The following PLD2 variants were observed in gnomAD, a reference collection of about 807,000 sequenced individuals.
PLD2 encodes the protein phospholipase D2.
Under a neutral mutation model 119.8 loss-of-function variants are expected in PLD2, and 101 were observed. The observed-to-expected ratio is 0.84, with a 90% CI of 0.72 to 0.99. The LOEUF (loss-of-function observed/expected upper bound fraction) is 0.99, where lower values mean the gene tolerates loss of function less well. PLD2 is among the 50% of genes least tolerant of loss of function. PLD2 has a pLI of 0.00. For missense variants in PLD2, 1,164 were observed against 1,226.8 expected, an observed-to-expected ratio of 0.95 and a Z score of 0.76; for synonymous variants, 494 against 482.8, an observed-to-expected ratio of 1.02 and a Z score of -0.30.
Position 4,817,143 on chromosome 17 carries a change from C to T in PLD2, c.1702-3C>T. On this transcript the variant is annotated splice_region_variant and splice_polypyrimidine_tract_variant and intron_variant, in intron 16 of 24. Coordinates refer to ENST00000263088, the MANE Select transcript of PLD2 (RefSeq NM_002663.5). Reference sequence around the variant, plus strand: ...TGCTGACTCTGCCATCCCTCCACGTCAGACCACCAAGGCCAAGTACAAGAC... The same window carrying T: ...TGCTGACTCTGCCATCCCTCCACGTTAGACCACCAAGGCCAAGTACAAGAC... The T allele has an allele frequency of 6.2e-7, 1 of 1,611,046 alleles. No homozygotes were observed. Among genetic ancestry groups the T allele is most frequent in the Non-Finnish European group, 8.5e-7 (1 of 1,177,130 alleles).
Position 4,818,116 on chromosome 17 carries a change from G to C in PLD2, c.1920+10G>C, listed in dbSNP as rs764272033. ...CTTCCTCTACATTGAGGTCTGACTG[G>C]GAGGAGGTGGGGGAGAGCATGGAAG... On this transcript the variant is annotated intron_variant, in intron 18 of 24. Transcript: ENST00000263088. The C allele has an allele frequency of 1.4e-5, 22 of 1,593,488 alleles. No homozygotes were observed. Among genetic ancestry groups the C allele is most frequent in the Admixed American group, 6.7e-5 (4 of 59,966 alleles).
chr17:4,821,643 C>T (rs977703785), intron 23 of PLD2, 150 bp from the exon 24 acceptor site: 2 of 549,994 alleles, frequency 3.6e-6, no homozygotes, highest in African/African-American at 1.9e-5. Context: ...AATCCACCTG[C>T]CTCATCCTCC....
In PLD2 at chr17:4,810,893, C is replaced by T. The variant is rs761276676; in HGVS notation, c.952C>T (p.Leu318=). ...ELAQGPGRDF[L]QLHRHDSYAP... ...GGCACAGGGCCCAGGCAGAGACTTCCTACAGCTGCACCGGCATGACAGCTA... is the reference window on the plus strand; with the variant it reads ...GGCACAGGGCCCAGGCAGAGACTTCTTACAGCTGCACCGGCATGACAGCTA... Residue 318 remains leucine (L), a synonymous_variant, in exon 10 of 25, where the codon CTA becomes TTA. Coordinates refer to ENST00000263088, the MANE Select transcript of PLD2 (RefSeq NM_002663.5). 3 of 1,613,716 alleles carry T rather than the reference C, an allele frequency of 1.9e-6. No homozygotes were observed. The highest frequency in any genetic ancestry group is 3.3e-5 in the Admixed American group (2 of 59,984).
rs1454620775 is a variant in PLD2, at chr17:4,814,516, G to T, written c.1094+15G>T. 1 of 1,612,788 alleles carries T rather than the reference G, an allele frequency of 6.2e-7. No individual in the cohort carries two copies. The highest frequency in any genetic ancestry group is 1.3e-5 in the African/African-American group (1 of 74,872). ...ACAGACTGGTGGTGAGTGGGAAAAG[G>T]CCCCAACAACATGGGGCAGGATAGA... is the stretch of plus-strand genomic sequence containing the variant. On this transcript the variant is annotated intron_variant, in intron 11 of 24. Transcript: ENST00000263088.
At chr17:4,817,532 C>G (rs749554734) in intron 17 of PLD2, among the ~76,000 whole-genome samples, 1 of 151,032 alleles carries the variant, frequency 6.6e-6, no homozygotes, top group Non-Finnish European at 1.5e-5. Flanking sequence ...CGTGGTGGTG[C>G]GTACCTGTAG....
At chr17:4,816,487 T>C in intron 14 of PLD2, 133 bp from the exon 15 acceptor site, 1 of 927,280 alleles carries the variant, frequency 1.1e-6, no homozygotes, top group Non-Finnish European at 1.7e-6. Flanking sequence ...AGGGGAGGGC[T>C]GGGGAATCAG....
chr17:4,807,157 C>G lies in PLD2; in HGVS notation c.-70C>G, dbSNP rs1157559434. 1.3e-5 allele frequency: 2 copies of G among 151,402 alleles called. No individual in the cohort carries two copies. The highest frequency in any genetic ancestry group is 3.0e-5 in the Non-Finnish European group (2 of 67,682). The allele number at this position is 151,402 out of a possible 1,614,324, so 9.4% of individuals were successfully genotyped here. On this transcript the variant is annotated 5_prime_UTR_variant, in exon 1 of 25. Coordinates refer to ENST00000263088, the MANE Select transcript of PLD2 (RefSeq NM_002663.5). The surrounding 1 kb of genome is among the most constrained non-coding windows in gnomAD (Gnocchi z 5.4). ...GGCCCCGCCTCGGCCGGGGCGTGGG[C>G]TCCGGCTGCAGCTCCGGTCTGCTCT...
In PLD2 at chr17:4,809,873, C is replaced by G. The variant is rs779251940; in HGVS notation, c.708-4C>G. 3.1e-6 allele frequency: 5 copies of G among 1,614,152 alleles called. No individual in the cohort carries two copies. Among genetic ancestry groups the G allele is most frequent in the Non-Finnish European group, 4.2e-6 (5 of 1,180,026 alleles). ...GAGGAACACACGGAGCCCTTCTGCTCTAGGTGGCTGGTGGTGAAGGACTCC... is the reference window on the plus strand; with the variant it reads ...GAGGAACACACGGAGCCCTTCTGCTGTAGGTGGCTGGTGGTGAAGGACTCC... On this transcript the variant is annotated splice_polypyrimidine_tract_variant and splice_region_variant and intron_variant, in intron 8 of 24. Transcript: ENST00000263088.
chr17:4,810,036 C>G lies in PLD2; in HGVS notation c.860+7C>G, dbSNP rs371170971. ...GGATCGATACCTCCCACAGGTGAGG[C>G]CTCCCTGGGGTGAGAGACACCAGCT... On this transcript the variant is annotated splice_region_variant and intron_variant, in intron 9 of 24. Transcript: ENST00000263088. 18 of 1,612,150 alleles carry G rather than the reference C, an allele frequency of 1.1e-5. 1 individual carries two copies. The highest frequency in any genetic ancestry group is 2.1e-4 in the Middle Eastern group (1 of 4,852).
At chr17:4,816,027 C>G (rs11658292) in intron 14 of PLD2, 93 bp downstream of exon 14, 43,692 of 929,648 alleles carry the variant, frequency 0.047, 1,256 homozygotes, top group South Asian at 0.061. Context: ...CTCAGTCATT[C>G]CAGGCCCTGC....
In PLD2 at chr17:4,814,415, C is replaced by G. The variant is rs768900486; in HGVS notation, c.1011-3C>G. 1.9e-6 allele frequency: 3 copies of G among 1,608,864 alleles called. No homozygotes were observed. The highest frequency in any genetic ancestry group is 1.7e-5 in the Admixed American group (1 of 59,186). On this transcript the variant is annotated splice_polypyrimidine_tract_variant and splice_region_variant and intron_variant, in intron 10 of 24. Transcript: ENST00000263088. Reference sequence around the variant, plus strand: ...TGACCTCCTTGGCTTGGCCTCCCCCCAGGTTTGTGAATGGGGCAGGTTACT... The same window carrying G: ...TGACCTCCTTGGCTTGGCCTCCCCCGAGGTTTGTGAATGGGGCAGGTTACT...
intron 10 of PLD2, among the ~76,000 whole-genome samples, chr17:4,811,379 C>T (rs532818392): frequency 2.9e-4 from 41 of 142,866 alleles, no homozygotes; most frequent in African/African-American, 8.1e-4. Flanking sequence ...CAGGTTCAAG[C>T]GATTCTTCTG....
chr17:4,819,087 G>A lies in PLD2; in HGVS notation c.2177G>A (p.Gly726Glu). The A allele has an allele frequency of 1.9e-6, 3 of 1,614,156 alleles. No individual in the cohort carries two copies. Among genetic ancestry groups the A allele is most frequent in the Non-Finnish European group, 2.5e-6 (3 of 1,180,012 alleles). The change falls in exon 22 of 25, where the codon GGG becomes GAG. Residue 726 changes from glycine (G) to glutamate (E), a missense_variant. Gly to Glu is a moderately conservative substitution (Grantham distance 98). Coordinates refer to ENST00000263088, the MANE Select transcript of PLD2 (RefSeq NM_002663.5). This position sits in a 1 kb window ranked among gnomAD's most constrained non-coding sequence, Gnocchi z 4.2. The part of the protein sequence containing the change: ...SILHRLKAAM[G>E]TAWRDYISIC... ...CACTTCCCCTCCTGTCACGCAGTGGGGACAGCATGGCGGGACTATATTTCC... is the reference window on the plus strand; with the variant it reads ...CACTTCCCCTCCTGTCACGCAGTGGAGACAGCATGGCGGGACTATATTTCC...
At position 4,814,275 on chromosome 17, in the gene PLD2, G is replaced by A. The variant is rs1272765654; in HGVS notation, c.1011-143G>A. On this transcript the variant is annotated intron_variant, in intron 10 of 24. Coordinates refer to ENST00000263088, the MANE Select transcript of PLD2 (RefSeq NM_002663.5). ...ATATGGGCAAACACTATTTTGATGT[G>A]TCTGATACCACTTGTGTTCTCTGAT... The A allele has an allele frequency of 2.3e-6, 3 of 1,331,752 alleles. No individual in the cohort carries two copies. The Middle Eastern group carries it at 7.8e-4, about 345-fold the overall frequency. 82.5% of individuals were successfully genotyped at this position (1,331,752 alleles called of 1,614,324 possible). A position where few individuals can be genotyped will look rare whatever the true frequency, so the allele number is the denominator to read the frequency against.
chr17:4,819,852 G>T lies in PLD2; in HGVS notation c.2462+270G>T, dbSNP rs1469865313. Among the ~76,000 whole-genome samples, 2 of 152,140 alleles carry T rather than the reference G, an allele frequency of 1.3e-5. No homozygotes were observed. Among genetic ancestry groups the T allele is most frequent in the Non-Finnish European group, 2.9e-5 (2 of 68,028 alleles). On this transcript the variant is annotated intron_variant, in intron 23 of 24. Coordinates refer to ENST00000263088, the MANE Select transcript of PLD2 (RefSeq NM_002663.5). The surrounding 1 kb of genome is among the most constrained non-coding windows in gnomAD (Gnocchi z 4.2). ...TCTCTACTAAAAATACAAAAAATCA[G>T]CTGGGTGTGGTGGCGGGCGCCTGTG...
chr17:4,812,589 G>C (rs574526953), intron 10 of PLD2, among the ~76,000 whole-genome samples: 1 of 151,980 alleles, frequency 6.6e-6, no homozygotes, highest in Non-Finnish European at 1.5e-5. Flanking sequence ...CACTGCACCT[G>C]GCTATAAACT....
In PLD2 at chr17:4,808,502, C is replaced by A; in HGVS notation, c.383+86C>A. 1 of 1,370,544 alleles carries A rather than the reference C, an allele frequency of 7.3e-7. No individual in the cohort carries two copies. The highest frequency in any genetic ancestry group is 1.3e-5 in the South Asian group (1 of 78,950). 84.9% of individuals were successfully genotyped at this position (1,370,544 alleles called of 1,614,324 possible). ...GTCTCACCCCGGGGCCACAACCTTTCCTCCCTGCAACTCTGGCCACTGTGC... is the reference window on the plus strand; with the variant it reads ...GTCTCACCCCGGGGCCACAACCTTTACTCCCTGCAACTCTGGCCACTGTGC... On this transcript the variant is annotated intron_variant, in intron 4 of 24. Coordinates refer to ENST00000263088, the MANE Select transcript of PLD2 (RefSeq NM_002663.5). The surrounding 1 kb of genome is among the most constrained non-coding windows in gnomAD (Gnocchi z 4.1).
Position 4,808,031 on chromosome 17 carries a change from A to T in PLD2, c.157A>T (p.Lys53Ter). The T allele has an allele frequency of 6.2e-7, 1 of 1,612,874 alleles. No homozygotes were observed. Among genetic ancestry groups the T allele is most frequent in the African/African-American group, 1.3e-5 (1 of 74,992 alleles). Residue 53 changes from lysine to a stop codon, truncating the protein, a stop_gained, in exon 3 of 25, where the codon AAA becomes TAA. Coordinates refer to ENST00000263088, the MANE Select transcript of PLD2 (RefSeq NM_002663.5). LOFTEE classifies it high-confidence loss of function. The surrounding 1 kb of genome is among the most constrained non-coding windows in gnomAD (Gnocchi z 4.1). Reference protein sequence around the residue: ...FLAIYELQSLKVHPLVFAPGV... With the variant: ...FLAIYELQSL ...GGCCATCTATGAGCTTCAGTCTCTG[A>T]AAGTGCACCCCTTGGTGTTCGCACC...
Position 4,814,683 on chromosome 17 carries a change from G to A in PLD2, c.1145G>A (p.Arg382Lys), listed in dbSNP as rs1906795825. The A allele has an allele frequency of 6.2e-7, 1 of 1,614,118 alleles. No individual in the cohort carries two copies. The highest frequency in any genetic ancestry group is 8.5e-7 in the Non-Finnish European group (1 of 1,180,028). Reference sequence around the variant, plus strand: ...CGTCCGGCCCATTCAGATGACTGGAGACTGGACATTATGCTCAAGAGGAAG... The same window carrying A: ...CGTCCGGCCCATTCAGATGACTGGAAACTGGACATTATGCTCAAGAGGAAG... ...LKRPAHSDDW[R>K]LDIMLKRKAE... The change falls in exon 12 of 25, where the codon AGA becomes AAA. Residue 382 changes from arginine (R) to lysine (K), a missense_variant. Arg to Lys is a conservative substitution (Grantham distance 26, BLOSUM62 2). Coordinates refer to ENST00000263088, the MANE Select transcript of PLD2 (RefSeq NM_002663.5).
Sources: allele counts gnomAD v4.1 joint callset (sites outside exome capture counted in the v4.1 genomes callset), GRCh38; gene constraint gnomAD v4.1.1; non-coding constraint Gnocchi (gnomAD v3.1); transcripts MANE v1.5; gene names NCBI Gene and HGNC (gene_info 2026-07-23, HGNC 2026-07-21).